The following NDUFAF2 variants were observed in gnomAD, a reference collection of about 807,000 sequenced individuals.
The protein encoded by NDUFAF2 is NADH dehydrogenase [ubiquinone] 1 alpha subcomplex assembly factor 2.
Under a neutral mutation model 22.8 loss-of-function variants are expected in NDUFAF2, and 13 were observed. The ratio of observed to expected loss-of-function variants is 0.57; its 90% confidence interval spans 0.37 to 0.91. The LOEUF is 0.91. NDUFAF2 is among the 40% of genes least tolerant of loss of function. NDUFAF2 has a pLI of 0.01. For synonymous variants in NDUFAF2, 53 were observed against 64.2 expected, an observed-to-expected ratio of 0.83 and a Z score of 0.84; for missense variants, 162 against 195.2, an observed-to-expected ratio of 0.83 and a Z score of 1.01.
At position 61,031,490 on chromosome 5, in the gene NDUFAF2, C is replaced by G. The variant is rs542900877; in HGVS notation, c.128-41635C>G. On this transcript the variant is annotated intron_variant, in intron 1 of 3. Transcript: ENST00000296597. ...TCCCTGCAAAGGACATGAACTCATG[C>G]TTTTTTATGGCTGCATAGTATTCCA... Among the ~76,000 whole-genome samples, 218 of 150,970 alleles carry G rather than the reference C, an allele frequency of 1.4e-3. 1 individual carries two copies. Among genetic ancestry groups the G allele is most frequent in the Non-Finnish European group, 2.3e-3 (158 of 67,934 alleles).
chr5:60,991,356 T>C (rs1340467337), intron 1 of NDUFAF2, among the ~76,000 whole-genome samples: 1 of 152,052 alleles, frequency 6.6e-6, no homozygotes, highest in African/African-American at 2.4e-5. Context: ...TATTTAAAAA[T>C]TATTATTGAC....
chr5:61,047,213 T>TA (rs1198480948), intron 1 of NDUFAF2, among the ~76,000 whole-genome samples: 1 of 152,148 alleles, frequency 6.6e-6, no homozygotes, highest in African/African-American at 2.4e-5. Flanking sequence ...AGCTAATACA[T>TA]ATAATGCTTA....
At chr5:61,008,096 G>A (rs1319036003) in intron 1 of NDUFAF2, among the ~76,000 whole-genome samples, 3 of 138,734 alleles carry the variant, frequency 2.2e-5, no homozygotes, top group Non-Finnish European at 4.5e-5. Flanking sequence ...GGTGGGAATT[G>A]AACAATGAGA....
intron 1 of NDUFAF2, among the ~76,000 whole-genome samples, chr5:61,042,699 TTC>T (rs1384140654): frequency 1.1e-4 from 16 of 152,326 alleles, no homozygotes; most frequent in South Asian, 1.0e-3. Context: ...TGGTAGTGAA[TTC>T]TGTTTTATGA....
At chr5:61,008,345 T>C (rs1751400133) in intron 1 of NDUFAF2, among the ~76,000 whole-genome samples, 1 of 152,074 alleles carries the variant, frequency 6.6e-6, no homozygotes, top group East Asian at 1.9e-4. Context: ...ACCTTGATAA[T>C]TGATGTTACT....
At chr5:61,110,773 TG>T (rs2111783561) in intron 3 of NDUFAF2, among the ~76,000 whole-genome samples, 1 of 152,176 alleles carries the variant, frequency 6.6e-6, no homozygotes, top group African/African-American at 2.4e-5. Flanking sequence ...CTTTTCTTGT[TG>T]TTGGTCTTTT....
intron 1 of NDUFAF2, among the ~76,000 whole-genome samples, chr5:61,070,596 TACACACAC>T (rs10651718): frequency 5.8e-4 from 86 of 148,066 alleles, no homozygotes; most frequent in South Asian, 2.6e-3. Flanking sequence ...TGTCTTTGCA[TACACACAC>T]ACACACACAC....
chr5:61,073,035 A>G (rs1309558990), intron 1 of NDUFAF2, 90 bp from the exon 2 acceptor site: 2 of 810,854 alleles, frequency 2.5e-6, no homozygotes, highest in Non-Finnish European at 4.3e-6. Flanking sequence ...CTTTTACTAT[A>G]TAAGGGGTTA....
At chr5:61,055,065 G>A (rs1393499843) in intron 1 of NDUFAF2, among the ~76,000 whole-genome samples, 1 of 152,156 alleles carries the variant, frequency 6.6e-6, no homozygotes, top group Non-Finnish European at 1.5e-5. Context: ...AATTTCACAA[G>A]ACAAGGAGAT....
chr5:61,014,345 T>C (rs1751480134), intron 1 of NDUFAF2, among the ~76,000 whole-genome samples: 1 of 152,190 alleles, frequency 6.6e-6, no homozygotes. Flanking sequence ...GTGGCACACC[T>C]CAGCTCCATG....
intron 1 of NDUFAF2, among the ~76,000 whole-genome samples, chr5:61,065,738 A>G (rs1752218582): frequency 6.6e-6 from 1 of 152,150 alleles, no homozygotes; most frequent in Non-Finnish European, 1.5e-5. Context: ...AGTTAACATT[A>G]TAATCCATGG....
intron 3 of NDUFAF2, among the ~76,000 whole-genome samples, chr5:61,151,478 T>C (rs1233123308): frequency 6.6e-6 from 1 of 152,146 alleles, no homozygotes; most frequent in Non-Finnish European, 1.5e-5. Flanking sequence ...AGAAATGCAT[T>C]GTAAAATCAG....
At chr5:61,056,356 G>A (rs796178816) in intron 1 of NDUFAF2, among the ~76,000 whole-genome samples, 30 of 152,242 alleles carry the variant, frequency 2.0e-4, no homozygotes, top group African/African-American at 5.8e-4. Flanking sequence ...TAATGAATAA[G>A]TAGGTAAAAA....
intron 3 of NDUFAF2, among the ~76,000 whole-genome samples, chr5:61,111,063 T>C (rs1447836119): frequency 2.0e-5 from 3 of 152,216 alleles, no homozygotes; most frequent in Non-Finnish European, 4.4e-5. Context: ...TTTTAAATTC[T>C]TCATTGACCC....
intron 1 of NDUFAF2, among the ~76,000 whole-genome samples, chr5:60,951,750 G>A (rs1750551121): frequency 1.3e-5 from 2 of 152,002 alleles, no homozygotes; most frequent in South Asian, 2.1e-4. Flanking sequence ...TTTTCTGGAA[G>A]CGTTTGTGAA....
chr5:60,949,138 C>T (rs1338089177), intron 1 of NDUFAF2, among the ~76,000 whole-genome samples: 1 of 152,090 alleles, frequency 6.6e-6, no homozygotes, highest in African/African-American at 2.4e-5. Flanking sequence ...ATGTAACCAA[C>T]ACCAAAATCA....
At chr5:60,949,180 C>G (rs922212998) in intron 1 of NDUFAF2, among the ~76,000 whole-genome samples, 47 of 152,186 alleles carry the variant, frequency 3.1e-4, no homozygotes, top group African/African-American at 1.1e-3. Context: ...CCCTGAATAA[C>G]TCCCTCATGC....
intron 3 of NDUFAF2, among the ~76,000 whole-genome samples, chr5:61,110,516 T>C (rs1752826899): frequency 6.6e-6 from 1 of 152,088 alleles, no homozygotes. Flanking sequence ...ATTGGTTTGT[T>C]CAGGTTTTGG....
rs533085010 is a variant in NDUFAF2, at chr5:61,111,627, C to CT, written c.258+12604dup. 4.3e-4 allele frequency among the ~76,000 whole-genome samples: 64 copies of CT among 149,686 alleles called. 1 individual carries two copies. The highest frequency in any genetic ancestry group is 1.1e-3 in the African/African-American group (43 of 40,850). On this transcript the variant is annotated intron_variant, in intron 3 of 3. Transcript: ENST00000296597. ...AGGTTTTTTTTGTTTGTTTTTTTGT[C>CT]TTTTTTTTTGAGACAGAGTCTCACT... is the stretch of plus-strand genomic sequence containing the variant.
Sources: gnomAD v4.1 joint callset for allele counts (sites outside exome capture counted in the v4.1 genomes callset) on GRCh38, gnomAD v4.1.1 for gene constraint, MANE v1.5 for transcripts, NCBI Gene and HGNC (gene_info 2026-07-23, HGNC 2026-07-21) for gene names.